TAFA1: variants seen among roughly 807,000 people sequenced by gnomAD.
TAFA1 encodes the protein chemokine-like protein TAFA-1.
In TAFA1, 4 loss-of-function variants were observed where a neutral mutation model predicts 18.5. The ratio of observed to expected loss-of-function variants is 0.22; its 90% CI spans 0.11 to 0.49. TAFA1 has a LOEUF of 0.49. Among genes scored for constraint, TAFA1 ranks in the 20% least tolerant of loss-of-function variants. TAFA1 has a pLI of 0.98. For synonymous variants in TAFA1, 56 were observed against 55.2 expected, an observed-to-expected ratio of 1.01 and a Z score of -0.06; for missense variants, 147 against 169.0, an observed-to-expected ratio of 0.87 and a Z score of 0.72.
Position 68,515,229 on chromosome 3 carries a change from G to A in TAFA1, c.260-23527G>A, listed in dbSNP as rs139906673. Among the ~76,000 whole-genome samples the A allele has an allele frequency of 2.8e-3, 423 of 152,246 alleles. 3 individuals carry two copies. The highest frequency in any genetic ancestry group is 9.6e-3 in the African/African-American group (398 of 41,552). ...AATAAGAGTCTAAAAAGGGTGGGTG[G>A]AAGCTGCAAAACATTTTATGACTTA... On this transcript the variant is annotated intron_variant, in intron 3 of 4. Transcript: ENST00000478136.
At chr3:68,263,072 A>T (rs2067467406) in intron 2 of TAFA1, among the ~76,000 whole-genome samples, 1 of 152,106 alleles carries the variant, frequency 6.6e-6, no homozygotes, top group South Asian at 2.1e-4. Context: ...TTAGAGTATT[A>T]CTCATGGGGT....
At chr3:68,260,254 A>G (rs915116308) in intron 2 of TAFA1, among the ~76,000 whole-genome samples, 5 of 152,142 alleles carry the variant, frequency 3.3e-5, no homozygotes, top group South Asian at 2.1e-4. Context: ...TGATTTGTGT[A>G]TGTTGAACCA....
chr3:68,139,695 C>A (rs1393158349), intron 2 of TAFA1, among the ~76,000 whole-genome samples: 3 of 152,096 alleles, frequency 2.0e-5, no homozygotes, highest in African/African-American at 7.2e-5. Context: ...TGTAATTATG[C>A]CAGCTTTAGT....
chr3:68,074,212 A>C (rs1454450983), intron 2 of TAFA1, among the ~76,000 whole-genome samples: 1 of 152,130 alleles, frequency 6.6e-6, no homozygotes, highest in East Asian at 1.9e-4. Context: ...ATCTGACAGG[A>C]GGTGGAGCTC....
intron 2 of TAFA1, among the ~76,000 whole-genome samples, chr3:68,144,481 C>T (rs1246354050): frequency 6.6e-6 from 1 of 152,154 alleles, no homozygotes; most frequent in Non-Finnish European, 1.5e-5. Flanking sequence ...TAAAACTCTC[C>T]ACTGAACAGC....
At chr3:68,381,545 G>T (rs939155871) in intron 2 of TAFA1, among the ~76,000 whole-genome samples, 1 of 152,170 alleles carries the variant, frequency 6.6e-6, no homozygotes, top group East Asian at 1.9e-4. Context: ...GTGAATGGGA[G>T]TTCACTCATG....
At chr3:68,355,817 G>T (rs1317851011) in intron 2 of TAFA1, among the ~76,000 whole-genome samples, 1 of 151,970 alleles carries the variant, frequency 6.6e-6, no homozygotes, top group Non-Finnish European at 1.5e-5. Flanking sequence ...TGCTTGTAAG[G>T]TGATGAGCAA....
At position 68,544,727 on chromosome 3, in the gene TAFA1, C is replaced by T; in HGVS notation, c.*224C>T. ...AAGTGGGCTTAAAAAAGGGTTTTCT[C>T]AGTGAAATTTTTGGGCATCATGAAG... On this transcript the variant is annotated 3_prime_UTR_variant, in exon 5 of 5. Coordinates refer to ENST00000478136, the MANE Select transcript of TAFA1 (RefSeq NM_213609.4). 1 of 433,354 alleles carries T rather than the reference C, an allele frequency of 2.3e-6. No homozygotes were observed. Among genetic ancestry groups the T allele is most frequent in the East Asian group, 3.8e-5 (1 of 26,358 alleles). 26.8% of individuals were successfully genotyped at this position (433,354 alleles called of 1,614,324 possible). A position where few individuals can be genotyped will look rare whatever the true frequency, so the allele number is the denominator to read the frequency against.
At chr3:68,445,357 G>A (rs1396227765) in intron 3 of TAFA1, among the ~76,000 whole-genome samples, 2 of 152,088 alleles carry the variant, frequency 1.3e-5, no homozygotes, top group South Asian at 2.1e-4. Context: ...GTGGTAGGAC[G>A]TGCACTTTTG....
chr3:68,000,833 G>C (rs973812347), upstream of TAFA1, among the ~76,000 whole-genome samples: 1 of 152,198 alleles, frequency 6.6e-6, no homozygotes, highest in African/African-American at 2.4e-5. Context: ...GAATTAATAG[G>C]TGGTAGTGAC....
At chr3:67,995,749 G>A in the TAFA1 span, among the ~76,000 whole-genome samples, 7 of 152,258 alleles carry the variant, frequency 4.6e-5, no homozygotes, top group East Asian at 1.4e-3. Flanking sequence ...CTAGGATGAG[G>A]TTGGAGATGC....
At chr3:68,388,842 C>T (rs1274292511) in intron 2 of TAFA1, among the ~76,000 whole-genome samples, 2 of 152,100 alleles carry the variant, frequency 1.3e-5, no homozygotes, top group East Asian at 1.9e-4. Flanking sequence ...AATTAGCCAA[C>T]ATTTCTATCA....
chr3:68,212,822 C>A (rs554993646), intron 2 of TAFA1, among the ~76,000 whole-genome samples: 2 of 151,994 alleles, frequency 1.3e-5, no homozygotes, highest in African/African-American at 4.8e-5. Context: ...CATCCCTGAC[C>A]CATGTGCGAT....
intron 3 of TAFA1, among the ~76,000 whole-genome samples, chr3:68,420,966 G>T (rs1056349961): frequency 1.3e-5 from 2 of 152,048 alleles, no homozygotes; most frequent in Admixed American, 6.5e-5. Flanking sequence ...AACCATGATG[G>T]TTTCTCATGT....
In TAFA1 at chr3:68,340,943, G is replaced by T. The variant is rs974085687; in HGVS notation, c.119-76337G>T. Among the ~76,000 whole-genome samples the T allele has an allele frequency of 3.9e-5, 6 of 152,202 alleles. No individual in the cohort carries two copies. The East Asian group carries it at 1.2e-3, about 29-fold the overall frequency. On this transcript the variant is annotated intron_variant, in intron 2 of 4. Transcript: ENST00000478136. ...AAGAAAACAGACTTACAGTGGAGAC[G>T]TTGAGAGTAAGGGAAGCCTTCCTGG...
chr3:68,335,410 A>C (rs10510969), intron 2 of TAFA1, among the ~76,000 whole-genome samples: 52,257 of 151,952 alleles, frequency 0.34, 9,175 homozygotes, highest in South Asian at 0.48. Context: ...AATAGCAATG[A>C]ATGAGTTATC....
chr3:68,024,402 C>T (rs1444963569), intron 2 of TAFA1, among the ~76,000 whole-genome samples: 5 of 152,072 alleles, frequency 3.3e-5, no homozygotes, highest in Non-Finnish European at 7.4e-5. Context: ...CAATATTTTT[C>T]CTCTCCCCCT....
intron 2 of TAFA1, among the ~76,000 whole-genome samples, chr3:68,226,477 G>A (rs1366901055): frequency 6.6e-6 from 1 of 151,984 alleles, no homozygotes; most frequent in Non-Finnish European, 1.5e-5. Flanking sequence ...ATACTCCCAT[G>A]TCTGTCATGC....
At chr3:68,427,278 G>A (rs1032759301) in intron 3 of TAFA1, among the ~76,000 whole-genome samples, 1 of 151,792 alleles carries the variant, frequency 6.6e-6, no homozygotes, top group African/African-American at 2.4e-5. Context: ...CCAGAAAGTG[G>A]GAAAAATGTT....
Sources: allele counts gnomAD v4.1 joint callset (sites outside exome capture counted in the v4.1 genomes callset), GRCh38; gene constraint gnomAD v4.1.1; transcripts MANE v1.5; gene names NCBI Gene and HGNC (gene_info 2026-07-23, HGNC 2026-07-21).